CACNA1D: variants seen among roughly 807,000 people sequenced by gnomAD.
CACNA1D encodes voltage-dependent L-type calcium channel subunit alpha-1D.
Under a neutral mutation model 257.1 loss-of-function variants are expected in CACNA1D, and 55 were observed. That is an observed-to-expected ratio of 0.21 (90% CI 0.17 to 0.27). CACNA1D has a LOEUF of 0.27. Ranked by LOEUF, CACNA1D falls within the 10% of genes least tolerant of loss-of-function variation. The probability of loss-of-function intolerance (pLI) is 1.00; values close to 1 mark genes in which losing one functional copy is unlikely to be tolerated. For synonymous variants in CACNA1D, 980 were observed against 1,014.9 expected (o/e 0.97, Z 0.65); for missense variants, 1,876 against 2,784.0 (o/e 0.67, Z 7.34).
intron 3 of CACNA1D, among the ~76,000 whole-genome samples, chr3:53,616,644 T>C (rs756445872): frequency 6.6e-6 from 1 of 152,212 alleles, no homozygotes; most frequent in South Asian, 2.1e-4. Context: ...GTTTTTGTTT[T>C]GTGTGTGTTT....
intron 3 of CACNA1D, among the ~76,000 whole-genome samples, chr3:53,546,879 G>C (rs1263200898): frequency 2.0e-5 from 3 of 152,158 alleles, no homozygotes; most frequent in African/African-American, 7.2e-5. Context: ...ACATTGGCTG[G>C]ATGTAAAACA....
intron 3 of CACNA1D, among the ~76,000 whole-genome samples, chr3:53,592,346 G>A (rs1222762083): frequency 6.6e-6 from 1 of 152,166 alleles, no homozygotes; most frequent in African/African-American, 2.4e-5. Flanking sequence ...GAGAGTGTGT[G>A]TGTGTGGGGG....
intron 7 of CACNA1D, among the ~76,000 whole-genome samples, chr3:53,668,073 T>C (rs1001786305): frequency 2.6e-5 from 4 of 152,096 alleles, no homozygotes; most frequent in African/African-American, 9.7e-5. Context: ...TTTTCATAAA[T>C]AGAAAAAGCA....
chr3:53,640,052 G>A (rs2093933144), intron 3 of CACNA1D, among the ~76,000 whole-genome samples: 1 of 151,708 alleles, frequency 6.6e-6, no homozygotes, highest in Admixed American at 6.6e-5. Context: ...AGTAGAGATA[G>A]GTTTCACCGT....
At chr3:53,728,842 G>A (rs934936372) in intron 15 of CACNA1D, among the ~76,000 whole-genome samples, 2 of 152,192 alleles carry the variant, frequency 1.3e-5, no homozygotes, top group African/African-American at 4.8e-5. Context: ...GAGGTACTTG[G>A]TAGATCTTTC....
Position 53,810,145 on chromosome 3 carries a change from C to T in CACNA1D, c.6039C>T (p.Asn2013=), listed in dbSNP as rs763824833. The change falls in exon 47 of 48, where the codon AAC becomes AAT. Residue 2013 remains asparagine (N), a synonymous_variant. Transcript: ENST00000350061. ...AGTCAGAGGCCCTGGACCAGGTGAA[C>T]GGCAGCCTGCCGTCCCTGCACCGCA... ...VEQSEALDQV[N]GSLPSLHRSS... is the part of the protein sequence containing the mutation. 4.0e-5 allele frequency: 65 copies of T among 1,613,842 alleles called. No homozygotes were observed. The highest frequency in any genetic ancestry group is 5.0e-5 in the Non-Finnish European group (59 of 1,180,040).
chr3:53,684,621 C>CAAAAAAAAAAAAAAAAAAAAAAAAAA, intron 8 of CACNA1D, among the ~76,000 whole-genome samples: 1 of 84,508 alleles, frequency 1.2e-5, no homozygotes, highest in Non-Finnish European at 2.3e-5. Context: ...GAAACTCTGT[C>CAAAAAAAAAAAAAAAAAAAAAAAAAA]AAAAAAAAAA....
intron 3 of CACNA1D, among the ~76,000 whole-genome samples, chr3:53,555,439 T>TTGG (rs2092621412): frequency 1.0e-5 from 1 of 97,528 alleles, no homozygotes; most frequent in Non-Finnish European, 2.1e-5. Flanking sequence ...TTCTGGTGGG[T>TTGG]GTGTGTGTGT....
At chr3:53,660,638 TG>T in intron 5 of CACNA1D, among the ~76,000 whole-genome samples, 1 of 151,746 alleles carries the variant, frequency 6.6e-6, no homozygotes, top group Middle Eastern at 3.4e-3. Context: ...CCTCTGAAAG[TG>T]GTGGGTTTGT....
chr3:53,591,754 A>G (rs1216016237), intron 3 of CACNA1D, among the ~76,000 whole-genome samples: 1 of 152,232 alleles, frequency 6.6e-6, no homozygotes, highest in African/African-American at 2.4e-5. Context: ...AGCGTAGAAG[A>G]ACTCAGTATT....
intron 16 of CACNA1D, 146 bp downstream of exon 16, chr3:53,730,702 A>C (rs1023835202): frequency 4.3e-6 from 3 of 701,018 alleles, no homozygotes; most frequent in Non-Finnish European, 7.8e-6. Flanking sequence ...CATGCACTGC[A>C]GACCAAAACG....
chr3:53,516,792 A>G (rs191572621), intron 3 of CACNA1D, among the ~76,000 whole-genome samples: 2 of 152,312 alleles, frequency 1.3e-5, no homozygotes, highest in Admixed American at 6.5e-5. Context: ...GCCATACGGT[A>G]GTTACTAGCG....
At chr3:53,768,376 C>T (rs1385442330) in intron 30 of CACNA1D, among the ~76,000 whole-genome samples, 1 of 152,240 alleles carries the variant, frequency 6.6e-6, no homozygotes, top group African/African-American at 2.4e-5. Flanking sequence ...TTAGCATGCA[C>T]ACTCACACCC....
At chr3:53,612,590 G>A (rs1305699611) in intron 3 of CACNA1D, among the ~76,000 whole-genome samples, 1 of 152,158 alleles carries the variant, frequency 6.6e-6, no homozygotes, top group Non-Finnish European at 1.5e-5. Flanking sequence ...TCACATCTAT[G>A]ACTTAGTATT....
chr3:53,509,626 G>A (rs907635454), intron 3 of CACNA1D, among the ~76,000 whole-genome samples: 4 of 152,180 alleles, frequency 2.6e-5, no homozygotes, highest in Admixed American at 1.3e-4. Flanking sequence ...GGGGAGGCAG[G>A]TGCAGACTGC....
intron 3 of CACNA1D, among the ~76,000 whole-genome samples, chr3:53,530,782 A>G (rs540618796): frequency 1.3e-5 from 2 of 151,894 alleles, no homozygotes; most frequent in African/African-American, 2.4e-5. Context: ...CTTGGGGACC[A>G]TTTGCCTAAA....
In CACNA1D at chr3:53,776,673, G is replaced by T; in HGVS notation, c.4433G>T (p.Gly1478Val). Residue 1478 changes from glycine to valine, a missense_variant, in exon 36 of 48, where the codon GGG (glycine) becomes GTG (valine). Transcript: ENST00000350061. ...CTGACCCGGGACTGGTCTATTTTGGGGCCTCACCATTTAGATGAATTCAAA... is the reference window on the plus strand; with the variant it reads ...CTGACCCGGGACTGGTCTATTTTGGTGCCTCACCATTTAGATGAATTCAAA... ...DYLTRDWSIL[G>V]PHHLDEFKRI... 1.2e-6 allele frequency: 2 copies of T among 1,614,060 alleles called. No individual in the cohort carries two copies. The highest frequency in any genetic ancestry group is 1.7e-6 in the Non-Finnish European group (2 of 1,180,014).
chr3:53,665,420 T>C (rs1313865882), intron 5 of CACNA1D, among the ~76,000 whole-genome samples: 2 of 152,130 alleles, frequency 1.3e-5, no homozygotes, highest in African/African-American at 4.8e-5. Context: ...CATTGGGCAG[T>C]CCCCTCCCTA....
At chr3:53,639,369 A>G (rs1456194282) in intron 3 of CACNA1D, among the ~76,000 whole-genome samples, 5 of 151,858 alleles carry the variant, frequency 3.3e-5, no homozygotes, top group Admixed American at 3.3e-4. Flanking sequence ...CAACAGGGAA[A>G]TGAGATTTCT....
Sources: gnomAD v4.1 joint callset for allele counts (sites outside exome capture counted in the v4.1 genomes callset) on GRCh38, gnomAD v4.1.1 for gene constraint, MANE v1.5 for transcripts, NCBI Gene and HGNC (gene_info 2026-07-23, HGNC 2026-07-21) for gene names.